Variants in KDM7A observed in about 807,000 individuals in gnomAD.
KDM7A encodes lysine demethylase 7A, also known as lysine-specific demethylase 7A.
A neutral mutation model predicts 114.8 loss-of-function variants in KDM7A; 28 were observed. The observed-to-expected ratio is 0.24, with a 90% CI of 0.18 to 0.33. The LOEUF is 0.33. Ranked by LOEUF, KDM7A falls within the 10% of genes least tolerant of loss-of-function variation. KDM7A has a pLI of 1.00. For synonymous variants in KDM7A, 423 were observed against 397.8 expected (o/e 1.06, Z -0.75); for missense variants, 942 against 1,142.5 (o/e 0.82, Z 2.53).
rs116123630 is a variant in KDM7A, at chr7:140,155,985, G to A, written c.195-16795C>T. On this transcript the variant is annotated intron_variant, in intron 1 of 19. Coordinates refer to ENST00000397560, the MANE Select transcript of KDM7A (RefSeq NM_030647.2). ...TATCATTCCCCAACGATGGTAAAGTGGTTGCTAGTTTTCTTATATGCCAAT... is the reference window on the plus strand; with the variant it reads ...TATCATTCCCCAACGATGGTAAAGTAGTTGCTAGTTTTCTTATATGCCAAT... 1.4e-3 allele frequency among the ~76,000 whole-genome samples: 208 copies of A among 152,290 alleles called. 1 individual carries two copies. The highest frequency in any genetic ancestry group is 4.6e-3 in the African/African-American group (190 of 41,552).
At chr7:140,132,975 G>A (rs1333724480) in intron 3 of KDM7A, among the ~76,000 whole-genome samples, 1 of 152,202 alleles carries the variant, frequency 6.6e-6, no homozygotes, top group Admixed American at 6.5e-5. Context: ...AGTAGGAAAT[G>A]ATCTAAATTA....
chr7:140,173,040 T>C (rs772572461), intron 1 of KDM7A, among the ~76,000 whole-genome samples: 2 of 152,172 alleles, frequency 1.3e-5, no homozygotes, highest in Non-Finnish European at 2.9e-5. Flanking sequence ...ACAGAAACTC[T>C]AATACAATTC....
intron 3 of KDM7A, 58 bp downstream of exon 3, chr7:140,133,481 C>T: frequency 1.0e-6 from 1 of 997,780 alleles, no homozygotes; most frequent in Non-Finnish European, 1.6e-6. Flanking sequence ...TAATGTCACT[C>T]TATGAGACGA....
intron 2 of KDM7A, among the ~76,000 whole-genome samples, chr7:140,134,626 G>T (rs1818839323): frequency 6.6e-6 from 1 of 151,620 alleles, no homozygotes; most frequent in African/African-American, 2.4e-5. Context: ...AAAATGTACT[G>T]ATATCTGCAA....
Position 140,172,652 on chromosome 7 carries a change from C to CA in KDM7A, c.194+4091dup, listed in dbSNP as rs796729282. On this transcript the variant is annotated intron_variant, in intron 1 of 19. Transcript: ENST00000397560. ...TGGGCGACAGAGCGAAACTCCGTCT[C>CA]AAAAAAAAAAAAGTAGTAAACAAAG... Among the ~76,000 whole-genome samples, 604 of 131,944 alleles carry CA rather than the reference C, an allele frequency of 4.6e-3. 3 individuals carry two copies. The highest frequency in any genetic ancestry group is 0.015 in the African/African-American group (525 of 35,858). 86.6% of individuals were successfully genotyped at this position (131,944 alleles called of 152,430 possible).
chr7:140,104,672 A>G (rs1274455781), intron 11 of KDM7A, among the ~76,000 whole-genome samples: 1 of 152,166 alleles, frequency 6.6e-6, no homozygotes, highest in Non-Finnish European at 1.5e-5. Context: ...TGGTGCCAGT[A>G]CCATGCTGTT....
chr7:140,102,650 G>A lies in KDM7A; in HGVS notation c.1429-490C>T, dbSNP rs182332266. 1.3e-3 allele frequency among the ~76,000 whole-genome samples: 198 copies of A among 152,218 alleles called. 2 individuals are homozygous for A. The highest frequency in any genetic ancestry group is 4.5e-3 in the African/African-American group (188 of 41,550). On this transcript the variant is annotated intron_variant, in intron 11 of 19. Coordinates refer to ENST00000397560, the MANE Select transcript of KDM7A (RefSeq NM_030647.2). The stretch of plus-strand genomic sequence containing the variant: ...GGCCTCCCAAAGTGCTGGGATTACC[G>A]GTGTTAAATTAGCCACTGCACTGGG...
intron 18 of KDM7A, among the ~76,000 whole-genome samples, chr7:140,093,424 G>C: frequency 6.6e-6 from 1 of 152,148 alleles, no homozygotes. Flanking sequence ...TGCCTTTGCT[G>C]ATTTACTTTC....
chr7:140,108,333 C>T lies in KDM7A; in HGVS notation c.1428+2762G>A, dbSNP rs566794174. Among the ~76,000 whole-genome samples the T allele has an allele frequency of 9.2e-5, 14 of 152,302 alleles. No individual in the cohort carries two copies. The South Asian group carries it at 1.5e-3, about 16-fold the overall frequency. ...TCGTTCCGTTGCTGACGAGAAGCTGCGTTCCTCTGGAGGGGAAGAGGCACT... is the reference window on the plus strand; with the variant it reads ...TCGTTCCGTTGCTGACGAGAAGCTGTGTTCCTCTGGAGGGGAAGAGGCACT... On this transcript the variant is annotated intron_variant, in intron 11 of 19. Coordinates refer to ENST00000397560, the MANE Select transcript of KDM7A (RefSeq NM_030647.2).
At chr7:140,104,924 A>G (rs1375894288) in intron 11 of KDM7A, among the ~76,000 whole-genome samples, 3 of 152,202 alleles carry the variant, frequency 2.0e-5, no homozygotes, top group Non-Finnish European at 2.9e-5. Flanking sequence ...ATCCATGAGC[A>G]TGGAATGTTC....
intron 1 of KDM7A, among the ~76,000 whole-genome samples, chr7:140,141,302 A>T (rs1794269668): frequency 6.6e-6 from 1 of 152,142 alleles, no homozygotes; most frequent in Non-Finnish European, 1.5e-5. Flanking sequence ...TAATATGGAA[A>T]TGTACAGGGC....
rs1817898699 is a variant in KDM7A at position 140,084,955 on chromosome 7, T to A, written c.*6139A>T. Reference sequence around the variant, plus strand: ...TAAACAAGTCACTTGTCCTCCCCTATAATAATCAATGTAAGCTACTTAAAG... The same window carrying A: ...TAAACAAGTCACTTGTCCTCCCCTAAAATAATCAATGTAAGCTACTTAAAG... On this transcript the variant is annotated 3_prime_UTR_variant, in exon 20 of 20. Coordinates refer to ENST00000397560, the MANE Select transcript of KDM7A (RefSeq NM_030647.2). 1 of 152,206 alleles carries A rather than the reference T, an allele frequency of 6.6e-6. No individual in the cohort carries two copies. The highest frequency in any genetic ancestry group is 6.5e-5 in the Admixed American group (1 of 15,284). 9.4% of individuals were successfully genotyped at this position (152,206 alleles called of 1,614,324 possible).
chr7:140,104,406 C>T (rs1818291525), intron 11 of KDM7A, among the ~76,000 whole-genome samples: 1 of 152,084 alleles, frequency 6.6e-6, no homozygotes, highest in Non-Finnish European at 1.5e-5. Context: ...AATGGTACTG[C>T]CTAGGTTTTC....
chr7:140,135,845 G>A (rs1161997328), intron 2 of KDM7A, among the ~76,000 whole-genome samples: 1 of 150,102 alleles, frequency 6.7e-6, no homozygotes, highest in Non-Finnish European at 1.5e-5. Flanking sequence ...TTCCTTACTA[G>A]TATTATATAA....
chr7:140,164,542 T>G (rs994015437), intron 1 of KDM7A, among the ~76,000 whole-genome samples: 1 of 152,220 alleles, frequency 6.6e-6, no homozygotes, highest in African/African-American at 2.4e-5. Context: ...ACTTACAAGA[T>G]GTAGCAACTA....
chr7:140,164,268 G>C (rs141030662), intron 1 of KDM7A, among the ~76,000 whole-genome samples: 3,701 of 152,306 alleles, frequency 0.024, 59 homozygotes, highest in Non-Finnish European at 0.033. Flanking sequence ...TTGCAAGGAC[G>C]GGGGGAGGGT....
intron 1 of KDM7A, among the ~76,000 whole-genome samples, chr7:140,171,978 G>C (rs1794647798): frequency 6.6e-6 from 1 of 152,116 alleles, no homozygotes; most frequent in African/African-American, 2.4e-5. Context: ...CCATGAACAG[G>C]CTTGGGTATG....
rs1818175512 is a variant in KDM7A at position 140,099,959 on chromosome 7, G to C, written c.1703C>G (p.Pro568Arg). 6.2e-7 allele frequency: 1 copy of C among 1,610,564 alleles called. No individual in the cohort carries two copies. Among genetic ancestry groups the C allele is most frequent in the Non-Finnish European group, 8.5e-7 (1 of 1,176,836 alleles). The change falls in exon 13 of 20, where the codon CCT (proline) becomes CGT (arginine). Residue 568 changes from proline (P) to arginine (R), a missense_variant. Around this residue, in one of 4 missense-constraint regions of KDM7A, gnomAD observed 512 missense variants for 576.6 expected, o/e 0.89. Transcript: ENST00000397560. ...NKHLQPSSTV[P>R]EWRAKDNDLR... ...ATCATTATCTTTCGCTCTCCATTCA[G>C]GTACTGTGGAGGATGGTTGGAGATG... is the stretch of plus-strand genomic sequence containing the variant.
chr7:140,137,474 C>T (rs917911246), intron 2 of KDM7A, among the ~76,000 whole-genome samples: 1 of 152,264 alleles, frequency 6.6e-6, no homozygotes, highest in South Asian at 2.1e-4. Context: ...TTAGTTAAGT[C>T]TCCCTTGAGA....
Sources: allele counts gnomAD v4.1 joint callset (sites outside exome capture counted in the v4.1 genomes callset), GRCh38; gene constraint gnomAD v4.1.1; regional missense constraint gnomAD v4.1.1; transcripts MANE v1.5; gene names NCBI Gene and HGNC (gene_info 2026-07-23, HGNC 2026-07-21).